Variants in FERRY3 observed in about 807,000 individuals in gnomAD.
FERRY3 encodes protein C12orf4.
the FERRY3 span, among the ~76,000 whole-genome samples, chr12:4,534,886 T>G: frequency 6.6e-6 from 1 of 152,242 alleles, no homozygotes; most frequent in Non-Finnish European, 1.5e-5. Context: ...GTAATGTTAC[T>G]TTCTTAAGCC....
chr12:4,525,428 C>A, the FERRY3 span: 9 of 1,594,492 alleles, frequency 5.6e-6, no homozygotes, highest in East Asian at 9.0e-5. Context: ...AACAAACAAA[C>A]AAAAAAACAA....
the FERRY3 span, chr12:4,529,798 C>A: frequency 8.1e-7 from 1 of 1,234,096 alleles, no homozygotes; most frequent in Non-Finnish European, 1.1e-6. Flanking sequence ...AAAATAAAAA[C>A]AAGTTGTTCT....
At chr12:4,517,529 T>C in the FERRY3 span, among the ~76,000 whole-genome samples, 26 of 151,540 alleles carry the variant, frequency 1.7e-4, no homozygotes, top group Non-Finnish European at 3.4e-4. Context: ...AAATAAATTC[T>C]ATTTAAGCTT....
chr12:4,530,172 ATATG>A, the FERRY3 span: 1 of 805,796 alleles, frequency 1.2e-6, no homozygotes, highest in Non-Finnish European at 1.9e-6. Context: ...TCTTATATAT[ATATG>A]TGTGTGTAAA....
chr12:4,489,195 TGA>T, the FERRY3 span: 1 of 152,528 alleles, frequency 6.6e-6, no homozygotes, highest in East Asian at 1.9e-4. Flanking sequence ...AGCGGGAGGA[TGA>T]GAGAGAGGGA....
At chr12:4,529,473 T>C in the FERRY3 span, among the ~76,000 whole-genome samples, 3 of 152,110 alleles carry the variant, frequency 2.0e-5, no homozygotes, top group African/African-American at 7.2e-5. Context: ...CTTGGACAAG[T>C]TACTTATTTA....
chr12:4,510,130 G>A, the FERRY3 span, among the ~76,000 whole-genome samples: 3 of 139,800 alleles, frequency 2.1e-5, no homozygotes, highest in Non-Finnish European at 4.5e-5. Flanking sequence ...CGATCAACTG[G>A]AAGAAAGGGT....
the FERRY3 span, chr12:4,518,689 C>T: frequency 1.2e-6 from 1 of 864,300 alleles, no homozygotes; most frequent in South Asian, 1.9e-5. Context: ...GAAACCTTTT[C>T]TCTATTATTT....
At chr12:4,488,722 C>T in the FERRY3 span, 9 of 152,268 alleles carry the variant, frequency 5.9e-5, no homozygotes, top group African/African-American at 1.7e-4. The surrounding 1 kb of genome is among the most constrained non-coding windows in gnomAD (Gnocchi z 4.9). Context: ...CACCAAATGC[C>T]CTCCATTTCA....
the FERRY3 span, among the ~76,000 whole-genome samples, chr12:4,533,170 T>C: frequency 2.0e-4 from 31 of 152,208 alleles, no homozygotes; most frequent in Non-Finnish European, 5.9e-5. Context: ...ATATCCAACC[T>C]TTCCTGCTTC....
At chr12:4,523,519 T>A in the FERRY3 span, among the ~76,000 whole-genome samples, 1 of 152,236 alleles carries the variant, frequency 6.6e-6, no homozygotes, top group Non-Finnish European at 1.5e-5. Flanking sequence ...TGTACGTTTA[T>A]TGCGGCACTA....
chr12:4,491,290 T>C, the FERRY3 span: 8 of 1,481,558 alleles, frequency 5.4e-6, no homozygotes, highest in Non-Finnish European at 7.5e-6. Flanking sequence ...GTATAAAAAA[T>C]AAAGTCAGAT....
the FERRY3 span, chr12:4,502,330 C>G: frequency 4.8e-6 from 2 of 420,808 alleles, no homozygotes; most frequent in Non-Finnish European, 9.3e-6. The surrounding 1 kb of genome is among the most constrained non-coding windows in gnomAD (Gnocchi z 4.2). Context: ...AGAAGGTACT[C>G]GATAAGTATT....
At chr12:4,536,193 A>C in the FERRY3 span, 1 of 1,559,430 alleles carries the variant, frequency 6.4e-7, no homozygotes, top group South Asian at 1.2e-5. Context: ...GTTTTTCTTC[A>C]TATTCTTTGA....
At chr12:4,497,514 G>T in the FERRY3 span, among the ~76,000 whole-genome samples, 1 of 152,232 alleles carries the variant, frequency 6.6e-6, no homozygotes, top group East Asian at 1.9e-4. Context: ...CAATAAAGAA[G>T]TTAAAAACAA....
chr12:4,514,583 A>G, the FERRY3 span, among the ~76,000 whole-genome samples: 1 of 151,964 alleles, frequency 6.6e-6, no homozygotes, highest in Non-Finnish European at 1.5e-5. Flanking sequence ...TGATGAGTTC[A>G]TGTCCTTTGT....
the FERRY3 span, among the ~76,000 whole-genome samples, chr12:4,496,079 C>T: frequency 2.0e-5 from 3 of 152,206 alleles, no homozygotes; most frequent in Admixed American, 2.0e-4. Context: ...CACACAAACA[C>T]ACACACACAT....
the FERRY3 span, among the ~76,000 whole-genome samples, chr12:4,494,565 A>G: frequency 6.6e-6 from 1 of 152,370 alleles, no homozygotes; most frequent in African/African-American, 2.4e-5. Flanking sequence ...AGTTGTTTCA[A>G]CAACACTGAA....
At chr12:4,537,192 C>G in the FERRY3 span, among the ~76,000 whole-genome samples, 6 of 152,198 alleles carry the variant, frequency 3.9e-5, no homozygotes, top group Non-Finnish European at 8.8e-5. Context: ...TTTTGAATGC[C>G]TTTTCCTTTG....
Sources: allele counts gnomAD v4.1 joint callset (sites outside exome capture counted in the v4.1 genomes callset), GRCh38; gene constraint gnomAD v4.1.1; non-coding constraint Gnocchi (gnomAD v3.1); transcripts MANE v1.5; gene names NCBI Gene and HGNC (gene_info 2026-07-23, HGNC 2026-07-21).